Variants in FAM131C observed in about 807,000 individuals in gnomAD.
FAM131C encodes the protein family with sequence similarity 131 member C.
A neutral mutation model predicts 29.8 loss-of-function variants in FAM131C; 14 were observed. That is an observed-to-expected ratio of 0.47 (90% CI 0.31 to 0.73). FAM131C has a LOEUF of 0.73. FAM131C is among the 30% of genes least tolerant of loss of function. The pLI is 0.05. For synonymous variants in FAM131C, 86 were observed against 157.8 expected (o/e 0.54, Z 3.41); for missense variants, 252 against 383.8 (o/e 0.66, Z 2.87).
intron 6 of FAM131C, among the ~76,000 whole-genome samples, chr1:16,059,147 T>G (rs908105922): frequency 7.3e-5 from 11 of 151,112 alleles, no homozygotes; most frequent in African/African-American, 2.7e-4. Flanking sequence ...TCATTTGGAG[T>G]AAGTTTCTGA....
chr1:16,072,569 A>T (rs1209805440), intron 1 of FAM131C, among the ~76,000 whole-genome samples: 1 of 152,114 alleles, frequency 6.6e-6, no homozygotes, highest in Non-Finnish European at 1.5e-5. Context: ...TCGCTTGTCT[A>T]AAATGTTGCC....
intron 4 of FAM131C, among the ~76,000 whole-genome samples, chr1:16,060,991 C>T (rs961919452): frequency 5.3e-5 from 8 of 152,120 alleles, no homozygotes; most frequent in East Asian, 1.9e-4. Flanking sequence ...CTGTTGTATG[C>T]GGAAGATGGA....
chr1:16,064,396 AG>A (rs1207500915), intron 1 of FAM131C, among the ~76,000 whole-genome samples: 1 of 152,134 alleles, frequency 6.6e-6, no homozygotes, highest in Non-Finnish European at 1.5e-5. Context: ...CAACAAAGGA[AG>A]AGCTGTTCCT....
chr1:16,062,295 T>G, intron 3 of FAM131C, 103 bp from the exon 4 acceptor site: 3 of 1,495,802 alleles, frequency 2.0e-6, no homozygotes, highest in Non-Finnish European at 2.7e-6. Context: ...CCAGGTCCTC[T>G]GGCCAGTGGG....
At chr1:16,073,219 T>G (rs1266062720) in intron 1 of FAM131C, among the ~76,000 whole-genome samples, 3 of 151,870 alleles carry the variant, frequency 2.0e-5, no homozygotes, top group African/African-American at 7.3e-5. Flanking sequence ...GGGGATGCGG[T>G]GACCTCTGCA....
chr1:16,063,368 G>C (rs1404210540), intron 2 of FAM131C, among the ~76,000 whole-genome samples, 153 bp downstream of exon 2: 1 of 140,158 alleles, frequency 7.1e-6, no homozygotes, highest in Non-Finnish European at 1.5e-5. Context: ...CCCTCATGCT[G>C]CTGAATACCA....
chr1:16,073,338 C>G, intron 1 of FAM131C, 83 bp downstream of exon 1: 1 of 811,658 alleles, frequency 1.2e-6, no homozygotes, highest in Non-Finnish European at 1.6e-6. Flanking sequence ...GTCGCCAGCC[C>G]CATCCCCCAG....
At chr1:16,059,742 C>G (rs1170353318) in intron 5 of FAM131C, 127 bp downstream of exon 5, 14 of 1,082,064 alleles carry the variant, frequency 1.3e-5, no homozygotes, top group Non-Finnish European at 1.6e-5. Context: ...CAAGAGTGCT[C>G]ACTTAATACT....
intron 2 of FAM131C, among the ~76,000 whole-genome samples, chr1:16,062,773 G>A (rs2023621684): frequency 6.6e-6 from 1 of 152,286 alleles, no homozygotes; most frequent in South Asian, 2.1e-4. Context: ...GCAGGCTTGG[G>A]TGTGGGCTCT....
intron 1 of FAM131C, among the ~76,000 whole-genome samples, chr1:16,067,481 T>G (rs1408918115): frequency 6.6e-6 from 1 of 152,084 alleles, no homozygotes; most frequent in Non-Finnish European, 1.5e-5. Flanking sequence ...AGGTCAGAAT[T>G]CCCTTCTCAG....
At position 16,062,246 on chromosome 1, in the gene FAM131C, TC is replaced by T. The variant is rs1282598829; in HGVS notation, c.175-55del. 47 of 1,568,092 alleles carry T rather than the reference TC, an allele frequency of 3.0e-5. No individual in the cohort carries two copies. In the East Asian group the frequency reaches 5.5e-4, roughly 18 times the overall value. Reference sequence around the variant, plus strand: ...GGGTGGGCCAGGCTGCCGGCCGACATCCCTCCAGCACCACCACCCATCCCCG... The same window carrying T: ...GGGTGGGCCAGGCTGCCGGCCGACATCCTCCAGCACCACCACCCATCCCCG... On this transcript the variant is annotated intron_variant, in intron 3 of 6. Coordinates refer to ENST00000375662, the MANE Select transcript of FAM131C (RefSeq NM_182623.3).
intron 4 of FAM131C, among the ~76,000 whole-genome samples, chr1:16,061,100 C>T (rs1303466479): frequency 6.6e-6 from 1 of 151,954 alleles, no homozygotes; most frequent in East Asian, 1.9e-4. Flanking sequence ...TGAGGAATGG[C>T]AATATTTAAG....
At chr1:16,062,590 T>C (rs2023618131) in intron 2 of FAM131C, 56 bp from the exon 3 acceptor site, 2 of 1,501,336 alleles carry the variant, frequency 1.3e-6, no homozygotes, top group Non-Finnish European at 1.8e-6. Context: ...TGCCAGCAGA[T>C]GGCCCGAGTC....
At position 16,067,219 on chromosome 1, in the gene FAM131C, C is replaced by T. The variant is rs560826741; in HGVS notation, c.23-3583G>A. ...GCCTGCTCCCCCTGAGGACTTTGGC[C>T]CCATGATGTCACAGGCTGGTTGCCA... On this transcript the variant is annotated intron_variant, in intron 1 of 6. Transcript: ENST00000375662. 9.2e-5 allele frequency among the ~76,000 whole-genome samples: 14 copies of T among 152,288 alleles called. No homozygotes were observed. The South Asian group carries it at 2.1e-3, about 23-fold the overall frequency.
In FAM131C at chr1:16,063,522, T is replaced by A; in HGVS notation, c.137A>T (p.Lys46Met). ...CAGGGATGAGGAGCAGCCAGTTACC[T>A]TGCCAATGACACAGTCTGGAGCCAC... is the stretch of plus-strand genomic sequence containing the variant. ...PTVAPDCVIG[K>M]DKQMDFCWDP... is the part of the protein sequence containing the mutation. The change falls in exon 2 of 7, where the codon AAG becomes ATG. Residue 46 changes from lysine to methionine, a missense_variant and splice_region_variant. This residue lies in a region of FAM131C where 76 missense variants were observed against 62.8 expected (regional missense o/e 1.21). Transcript: ENST00000375662. 2 of 1,612,334 alleles carry A rather than the reference T, an allele frequency of 1.2e-6. No homozygotes were observed. The highest frequency in any genetic ancestry group is 1.7e-4 in the Middle Eastern group (1 of 5,940).
intron 6 of FAM131C, 60 bp downstream of exon 6, chr1:16,059,434 A>G (rs1056429204): frequency 7.0e-5 from 110 of 1,577,286 alleles, no homozygotes; most frequent in Non-Finnish European, 9.1e-5. Flanking sequence ...GGTGATGGGC[A>G]GCCATCCAGA....
chr1:16,068,765 C>T (rs910599128), intron 1 of FAM131C, among the ~76,000 whole-genome samples: 2 of 152,192 alleles, frequency 1.3e-5, no homozygotes, highest in Non-Finnish European at 2.9e-5. Context: ...GACTTCCACA[C>T]ACCCCAGCTC....
intron 1 of FAM131C, among the ~76,000 whole-genome samples, chr1:16,069,001 G>T (rs886911155): frequency 5.3e-5 from 8 of 152,122 alleles, no homozygotes; most frequent in African/African-American, 1.9e-4. Context: ...TCCTAGGCCT[G>T]TTCACCCATG....
intron 1 of FAM131C, among the ~76,000 whole-genome samples, chr1:16,066,097 G>C (rs954118740): frequency 2.0e-5 from 3 of 152,138 alleles, no homozygotes; most frequent in Non-Finnish European, 2.9e-5. Context: ...ATGTTGGCCA[G>C]GCTGGTCTCA....
Sources: gnomAD v4.1 joint callset for allele counts (sites outside exome capture counted in the v4.1 genomes callset) on GRCh38, gnomAD v4.1.1 for gene constraint, gnomAD v4.1.1 regional missense constraint, MANE v1.5 for transcripts, NCBI Gene and HGNC (gene_info 2026-07-23, HGNC 2026-07-21) for gene names.